TXNDC5: variants seen among roughly 807,000 people sequenced by gnomAD.
TXNDC5 encodes the protein thioredoxin domain containing 5, also known as thioredoxin domain-containing protein 5.
A neutral mutation model predicts 52.6 loss-of-function variants in TXNDC5; 44 were observed. The ratio of observed to expected loss-of-function variants is 0.84; its 90% CI spans 0.66 to 1.08. The LOEUF is 1.08. Ranked by LOEUF, TXNDC5 falls within the 50% of genes least tolerant of loss-of-function variation. TXNDC5 has a pLI of 0.00. For missense variants in TXNDC5, 600 were observed against 565.5 expected (o/e 1.06, Z -0.62); for synonymous variants, 241 against 234.4 (o/e 1.03, Z -0.26).
At chr6:7,889,450 G>A (rs1679303317) in intron 6 of TXNDC5, 45 bp downstream of exon 6, 3 of 1,560,874 alleles carry the variant, frequency 1.9e-6, no homozygotes, top group Non-Finnish European at 2.6e-6. Flanking sequence ...AGCCTGATGG[G>A]GTTAAGAGAT....
intron 1 of TXNDC5, among the ~76,000 whole-genome samples, chr6:7,907,633 G>A (rs760137936): frequency 6.6e-5 from 10 of 152,214 alleles, no homozygotes; most frequent in Non-Finnish European, 1.0e-4. Context: ...ACTGGAAAAA[G>A]GTATGTGTGT....
chr6:7,907,165 C>CTTTTTTTTTT (rs55914910), intron 1 of TXNDC5, among the ~76,000 whole-genome samples: 32 of 143,914 alleles, frequency 2.2e-4, no homozygotes, highest in East Asian at 1.6e-3. Context: ...TTTTTTTTCC[C>CTTTTTTTTTT]TTTTTTTTTT....
intron 1 of TXNDC5, among the ~76,000 whole-genome samples, chr6:7,906,059 G>A (rs1038473850): frequency 2.0e-5 from 3 of 152,108 alleles, no homozygotes; most frequent in African/African-American, 7.2e-5. Flanking sequence ...GGGCAACACA[G>A]TGAGACCCCC....
chr6:7,910,516 G>GGGCGCGAAGAACATGACGAAGTGCGC lies in TXNDC5; in HGVS notation c.235_260dup (p.Trp88ArgfsTer61). 6.9e-7 allele frequency: 1 copy of GGGCGCGAAGAACATGACGAAGTGCGC among 1,440,092 alleles called. No homozygotes were observed. Among genetic ancestry groups the GGGCGCGAAGAACATGACGAAGTGCGC allele is most frequent in the Non-Finnish European group, 9.2e-7 (1 of 1,085,206 alleles). 89.2% of individuals were successfully genotyped at this position (1,440,092 alleles called of 1,614,324 possible). On this transcript the variant is annotated frameshift_variant, in exon 1 of 10. Coordinates refer to ENST00000379757, the MANE Select transcript of TXNDC5 (RefSeq NM_030810.5). LOFTEE classifies it high-confidence loss of function. ...GGCGCCGGCCTGCGCGGCGTTACCA[G>GGGCGCGAAGAACATGACGAAGTGCGC]GGCGCGAAGAACATGACGAAGTGCG...
chr6:7,905,472 C>T (rs1014900349), intron 1 of TXNDC5, among the ~76,000 whole-genome samples: 3 of 152,206 alleles, frequency 2.0e-5, no homozygotes, highest in Non-Finnish European at 4.4e-5. Flanking sequence ...AATGTCTATT[C>T]TTAGTATTCA....
At chr6:7,895,077 T>C (rs1760318020) in intron 4 of TXNDC5, 29 bp downstream of exon 4, 1 of 1,608,806 alleles carries the variant, frequency 6.2e-7, no homozygotes, top group Non-Finnish European at 8.5e-7. Flanking sequence ...AGTGATTCTC[T>C]GAAGCTGGCA....
chr6:7,908,080 C>T (rs1330842314), intron 1 of TXNDC5, among the ~76,000 whole-genome samples: 1 of 151,996 alleles, frequency 6.6e-6, no homozygotes, highest in African/African-American at 2.4e-5. Context: ...GTCAAGAGAT[C>T]GAGACAATCC....
At chr6:7,894,266 CTT>C (rs58493259) in intron 4 of TXNDC5, among the ~76,000 whole-genome samples, 23 of 142,420 alleles carry the variant, frequency 1.6e-4, no homozygotes, top group Non-Finnish European at 1.9e-4. Flanking sequence ...CATACCCAGC[CTT>C]TTTTTTTTTT....
chr6:7,883,880 G>A (rs113896998), intron 9 of TXNDC5, among the ~76,000 whole-genome samples: 6 of 152,212 alleles, frequency 3.9e-5, no homozygotes, highest in Non-Finnish European at 7.3e-5. Flanking sequence ...AATGAAGGCA[G>A]TAGTTAACCC....
In TXNDC5 at chr6:7,899,740, A is replaced by C. The variant is rs369667757; in HGVS notation, c.414-59T>G. ...AAGAAAGTTGTCTTATCAGAGAGCA[A>C]ACTCATTTAGTGAAACAATCAGAAA... On this transcript the variant is annotated intron_variant, in intron 2 of 9. Coordinates refer to ENST00000379757, the MANE Select transcript of TXNDC5 (RefSeq NM_030810.5). 22 of 1,403,442 alleles carry C rather than the reference A, an allele frequency of 1.6e-5. No homozygotes were observed. In the African/African-American group the frequency reaches 3.1e-4, roughly 20 times the overall value. 86.9% of individuals were successfully genotyped at this position (1,403,442 alleles called of 1,614,324 possible).
chr6:7,882,991 CT>C lies in TXNDC5; in HGVS notation c.*152del, dbSNP rs1427662864. 49 of 990,450 alleles carry C rather than the reference CT, an allele frequency of 4.9e-5. No individual in the cohort carries two copies. In the Middle Eastern group the frequency reaches 9.8e-4, roughly 20 times the overall value. 61.4% of individuals were successfully genotyped at this position (990,450 alleles called of 1,614,324 possible). On this transcript the variant is annotated 3_prime_UTR_variant, in exon 10 of 10. Transcript: ENST00000379757. ...ATAAAGAATCTGTAGAGTGTGTTGG[CT>C]TGGAAAACACACACACAAAGAAGAT...
At chr6:7,905,954 T>A (rs998821521) in intron 1 of TXNDC5, among the ~76,000 whole-genome samples, 12 of 152,342 alleles carry the variant, frequency 7.9e-5, no homozygotes, top group African/African-American at 2.9e-4. Flanking sequence ...AAAATAAGCA[T>A]TTAAGTCGGT....
chr6:7,884,302 C>G, intron 9 of TXNDC5, 57 bp downstream of exon 9: 1 of 1,605,534 alleles, frequency 6.2e-7, no homozygotes, highest in Non-Finnish European at 8.5e-7. Context: ...AGGCACAGTT[C>G]CCTTGGGATC....
chr6:7,886,180 C>T, intron 7 of TXNDC5, 137 bp from the exon 8 acceptor site: 2 of 685,076 alleles, frequency 2.9e-6, no homozygotes, highest in Non-Finnish European at 5.0e-6. Flanking sequence ...ACAGAAATAC[C>T]TACACAATCT....
intron 6 of TXNDC5, chr6:7,889,119 A>T: frequency 2.1e-6 from 1 of 476,128 alleles, no homozygotes. Context: ...CGTTGTGCTG[A>T]TGGGGAACTC....
At chr6:7,901,152 C>G (rs1760553120) in intron 2 of TXNDC5, among the ~76,000 whole-genome samples, 1 of 152,058 alleles carries the variant, frequency 6.6e-6, no homozygotes. Flanking sequence ...AAAAAACAGC[C>G]AAAACTTAAC....
At chr6:7,891,837 T>C in intron 4 of TXNDC5, 101 bp from the exon 5 acceptor site, 1 of 784,042 alleles carries the variant, frequency 1.3e-6, no homozygotes, top group South Asian at 1.7e-5. Context: ...TTGTCCTGCT[T>C]AGCAAATCTT....
chr6:7,906,929 A>C (rs1326404890), intron 1 of TXNDC5, among the ~76,000 whole-genome samples: 1 of 152,178 alleles, frequency 6.6e-6, no homozygotes, highest in African/African-American at 2.4e-5. Context: ...CAGGTTTGAG[A>C]ACTAGTCCAT....
chr6:7,910,114 C>G (rs1760865728), intron 1 of TXNDC5: 1 of 986,678 alleles, frequency 1.0e-6, no homozygotes, highest in Non-Finnish European at 1.2e-6. Flanking sequence ...TCCCGGCTGT[C>G]CCCTAGGGGT....
Sources: allele counts gnomAD v4.1 joint callset (sites outside exome capture counted in the v4.1 genomes callset), GRCh38; gene constraint gnomAD v4.1.1; transcripts MANE v1.5; gene names NCBI Gene and HGNC (gene_info 2026-07-23, HGNC 2026-07-21).